FBXW2: variants seen among roughly 807,000 people sequenced by gnomAD.
FBXW2 encodes the protein F-box and WD repeat domain containing 2.
Under a neutral mutation model 46.0 loss-of-function variants are expected in FBXW2, and 12 were observed. The ratio of observed to expected loss-of-function variants is 0.26; its 90% CI spans 0.17 to 0.42. The LOEUF (loss-of-function observed/expected upper bound fraction) is 0.42. FBXW2 is among the 10% of genes least tolerant of loss of function. FBXW2 has a pLI of 1.00. For missense variants in FBXW2, 360 were observed against 537.0 expected (o/e 0.67, Z 3.26); for synonymous variants, 203 against 209.6 (o/e 0.97, Z 0.27).
intron 3 of FBXW2, among the ~76,000 whole-genome samples, chr9:120,786,872 T>A (rs1369921797): frequency 6.6e-6 from 1 of 152,194 alleles, no homozygotes; most frequent in Non-Finnish European, 1.5e-5. Flanking sequence ...CATATAATTT[T>A]AAATTTTTAA....
At chr9:120,780,667 C>T (rs1036762710) in intron 3 of FBXW2, among the ~76,000 whole-genome samples, 3 of 152,092 alleles carry the variant, frequency 2.0e-5, no homozygotes, top group Non-Finnish European at 4.4e-5. Context: ...CATTTTAGGT[C>T]CTTTATGAGC....
chr9:120,765,283 C>T (rs201099747), intron 7 of FBXW2, among the ~76,000 whole-genome samples: 1 of 151,978 alleles, frequency 6.6e-6, no homozygotes, highest in East Asian at 1.9e-4. Flanking sequence ...TTAGTAGAGA[C>T]GAGGTTTCAC....
At chr9:120,777,924 AACC>A (rs2044532510) in intron 4 of FBXW2, among the ~76,000 whole-genome samples, 1 of 152,096 alleles carries the variant, frequency 6.6e-6, no homozygotes, top group Non-Finnish European at 1.5e-5. Flanking sequence ...ACAATCTAAG[AACC>A]ACCGTCACAC....
At chr9:120,793,115 T>C in intron 2 of FBXW2, 34 bp downstream of exon 2, 2 of 690,308 alleles carry the variant, frequency 2.9e-6, no homozygotes, top group East Asian at 2.7e-5. Context: ...CCCAGGTCCC[T>C]TGCTCTCGGA....
intron 3 of FBXW2, among the ~76,000 whole-genome samples, chr9:120,782,719 G>A (rs1190863683): frequency 1.3e-5 from 2 of 152,080 alleles, no homozygotes; most frequent in African/African-American, 4.8e-5. Flanking sequence ...GCACACACAC[G>A]TAGTCCCAGC....
At chr9:120,778,614 T>C (rs752854012) in intron 3 of FBXW2, 69 bp from the exon 4 acceptor site, 378 of 1,346,794 alleles carry the variant, frequency 2.8e-4, no homozygotes, top group Admixed American at 5.6e-4. Context: ...AATCCCAAAA[T>C]CATGGTGTTC....
At chr9:120,781,904 T>G (rs2044622455) in intron 3 of FBXW2, among the ~76,000 whole-genome samples, 1 of 151,062 alleles carries the variant, frequency 6.6e-6, no homozygotes, top group Non-Finnish European at 1.5e-5. Flanking sequence ...ACGCCTGTAA[T>G]CCCAGCTACT....
chr9:120,771,284 T>G, intron 7 of FBXW2, 64 bp downstream of exon 7: 1 of 1,472,806 alleles, frequency 6.8e-7, no homozygotes, highest in Non-Finnish European at 9.2e-7. Flanking sequence ...CATTTAGTCT[T>G]GTCTTTACTA....
intron 2 of FBXW2, chr9:120,792,889 G>C (rs1427621241): frequency 6.6e-7 from 1 of 1,519,266 alleles, no homozygotes; most frequent in African/African-American, 1.4e-5. Flanking sequence ...ATACACACCT[G>C]TTTTCATGGC....
At position 120,760,196 on chromosome 9, in the gene FBXW2, CTG is replaced by C. The variant is rs1390252275; in HGVS notation, c.*4361_*4362del. On this transcript the variant is annotated 3_prime_UTR_variant, in exon 8 of 8. Transcript: ENST00000608872. ...AAGGGCTTCTCCCCTATCCTGACAA[CTG>C]TGTCCACAGGCAAAGGTGACAGTAT... 11 of 152,238 alleles carry C rather than the reference CTG, an allele frequency of 7.2e-5. No homozygotes were observed. Among genetic ancestry groups the C allele is most frequent in the Admixed American group, 7.2e-4 (11 of 15,282 alleles). 9.4% of individuals were successfully genotyped at this position (152,238 alleles called of 1,614,324 possible).
At chr9:120,766,876 A>G (rs1173666944) in intron 7 of FBXW2, among the ~76,000 whole-genome samples, 1 of 152,210 alleles carries the variant, frequency 6.6e-6, no homozygotes, top group Non-Finnish European at 1.5e-5. Flanking sequence ...GGCCTAGCAA[A>G]TGTTTTCTGA....
In FBXW2 at chr9:120,778,363, GC is replaced by G; in HGVS notation, c.672del (p.His225ThrfsTer18). ...SSGARTQHFRGHTGAVFSVDY... is the reference protein window; with the variant it reads ...SSGARTQHFRXHTGAVFSVDY... The stretch of plus-strand genomic sequence containing the variant: ...AAGGGCAACCCACCCGCCCCCGTGT[GC>G]CCCCGAAAGTGCTGGGTCCTGGCTC... On this transcript the variant is annotated frameshift_variant, in exon 4 of 8. Transcript: ENST00000608872. LOFTEE classifies it high-confidence loss of function. 6.2e-7 allele frequency: 1 copy of G among 1,609,780 alleles called. No homozygotes were observed. Among genetic ancestry groups the G allele is most frequent in the Non-Finnish European group, 8.5e-7 (1 of 1,177,316 alleles).
intron 2 of FBXW2, among the ~76,000 whole-genome samples, chr9:120,791,473 A>G (rs564109763): frequency 7.5e-4 from 115 of 152,356 alleles, no homozygotes; most frequent in African/African-American, 2.6e-3. Flanking sequence ...GTAAAATGGA[A>G]GCCATCATCC....
chr9:120,778,632 A>C, intron 3 of FBXW2, 87 bp from the exon 4 acceptor site: 1 of 1,121,438 alleles, frequency 8.9e-7, no homozygotes, highest in African/African-American at 1.5e-5. Context: ...TTCTTCAAGA[A>C]CATTAACGGT....
chr9:120,777,156 C>CA (rs1267529971), intron 4 of FBXW2, among the ~76,000 whole-genome samples: 10 of 152,182 alleles, frequency 6.6e-5, no homozygotes, highest in Non-Finnish European at 1.5e-4. Flanking sequence ...GCAGGGTTCT[C>CA]AAAGTTGATC....
chr9:120,766,418 T>G (rs193290527), intron 7 of FBXW2, among the ~76,000 whole-genome samples: 1 of 152,034 alleles, frequency 6.6e-6, no homozygotes, highest in East Asian at 1.9e-4. Flanking sequence ...CATTTACATG[T>G]GCAAGGCACC....
At position 120,757,547 on chromosome 9, in the gene FBXW2, G is replaced by T. The variant is rs2044145139; in HGVS notation, c.*7012C>A. The stretch of plus-strand genomic sequence containing the variant: ...AGGAAAATTACAAAATATTATGGTA[G>T]TTGTAAAAACCTAAAGCACATTTTT... On this transcript the variant is annotated 3_prime_UTR_variant, in exon 8 of 8. Transcript: ENST00000608872. 1 of 152,186 alleles carries T rather than the reference G, an allele frequency of 6.6e-6. No individual in the cohort carries two copies. The highest frequency in any genetic ancestry group is 2.4e-5 in the African/African-American group (1 of 41,456). 9.4% of individuals were successfully genotyped at this position (152,186 alleles called of 1,614,324 possible).
intron 7 of FBXW2, among the ~76,000 whole-genome samples, chr9:120,768,950 G>A (rs2044323729): frequency 6.6e-6 from 1 of 152,214 alleles, no homozygotes. Flanking sequence ...GATCTGTGAA[G>A]ATGAGCTGAT....
chr9:120,790,785 C>A (rs1335527679), intron 2 of FBXW2, among the ~76,000 whole-genome samples: 3 of 152,090 alleles, frequency 2.0e-5, no homozygotes, highest in Non-Finnish European at 4.4e-5. Context: ...ATGTAACAAA[C>A]CTGCACGTTG....
Sources: gnomAD v4.1 joint callset for allele counts (sites outside exome capture counted in the v4.1 genomes callset) on GRCh38, gnomAD v4.1.1 for gene constraint, MANE v1.5 for transcripts, NCBI Gene and HGNC (gene_info 2026-07-23, HGNC 2026-07-21) for gene names.